The following ZCCHC14 variants were observed in gnomAD, a reference collection of about 807,000 sequenced individuals.
ZCCHC14 encodes zinc finger CCHC-type containing 14, also known as zinc finger CCHC domain-containing protein 14.
A neutral mutation model predicts 85.0 loss-of-function variants in ZCCHC14; 16 were observed. The observed-to-expected ratio is 0.19, with a 90% confidence interval of 0.13 to 0.29. The LOEUF (loss-of-function observed/expected upper bound fraction) is 0.29, where lower values mean the gene tolerates loss of function less well. Ranked by LOEUF, ZCCHC14 falls within the 10% of genes least tolerant of loss-of-function variation. The pLI, the probability that ZCCHC14 is intolerant of heterozygous loss-of-function variation, is 1.00. For synonymous variants in ZCCHC14, 775 were observed against 630.7 expected (o/e 1.23, Z -3.43); for missense variants, 1,303 against 1,443.5 (o/e 0.90, Z 1.58).
chr16:87,421,046 C>A (rs1444758897), intron 4 of ZCCHC14, among the ~76,000 whole-genome samples: 1 of 152,272 alleles, frequency 6.6e-6, no homozygotes, highest in Non-Finnish European at 1.5e-5. Flanking sequence ...GGGCACAAGG[C>A]CCTGGTGGCT....
intron 1 of ZCCHC14, chr16:87,474,023 C>G (rs1911893077): frequency 6.6e-6 from 1 of 152,180 alleles, no homozygotes; most frequent in African/African-American, 2.4e-5. Context: ...AAAGATCAGA[C>G]CAGAAAGGGC....
At chr16:87,468,114 T>A (rs1911612439) in intron 1 of ZCCHC14, among the ~76,000 whole-genome samples, 1 of 152,242 alleles carries the variant, frequency 6.6e-6, no homozygotes, top group Non-Finnish European at 1.5e-5. Context: ...GATTATTAGA[T>A]GTAAATCTTC....
chr16:87,422,441 T>C (rs1909149305), intron 4 of ZCCHC14, among the ~76,000 whole-genome samples: 1 of 151,804 alleles, frequency 6.6e-6, no homozygotes, highest in Non-Finnish European at 1.5e-5. Flanking sequence ...TTTCCAAAAT[T>C]AGGCCAGGTG....
intron 2 of ZCCHC14, among the ~76,000 whole-genome samples, chr16:87,438,028 T>C (rs1910012354): frequency 6.6e-6 from 1 of 152,258 alleles, no homozygotes; most frequent in Non-Finnish European, 1.5e-5. Context: ...CTGCTGGCCA[T>C]GTGGCAGGAA....
chr16:87,429,807 A>G (rs1305170944), intron 3 of ZCCHC14, among the ~76,000 whole-genome samples: 2 of 152,180 alleles, frequency 1.3e-5, no homozygotes, highest in Non-Finnish European at 2.9e-5. Context: ...GGGTTTTGCC[A>G]TCTTGGCTAG....
chr16:87,451,632 A>C (rs1019484734), intron 2 of ZCCHC14, among the ~76,000 whole-genome samples: 1 of 152,276 alleles, frequency 6.6e-6, no homozygotes, highest in Admixed American at 6.5e-5. Context: ...CATAAGTGAT[A>C]TAAAAATGAA....
intron 2 of ZCCHC14, among the ~76,000 whole-genome samples, chr16:87,451,476 G>A (rs986958962): frequency 6.6e-6 from 1 of 152,218 alleles, no homozygotes; most frequent in African/African-American, 2.4e-5. Context: ...GGGATTACAG[G>A]CGTGAGCCAC....
chr16:87,450,856 T>C (rs1004227713), intron 2 of ZCCHC14, among the ~76,000 whole-genome samples: 1 of 151,178 alleles, frequency 6.6e-6, no homozygotes, highest in African/African-American at 2.4e-5. Context: ...GCGCATGGTC[T>C]GATAATATTT....
chr16:87,468,894 A>C (rs1597445671), intron 1 of ZCCHC14, among the ~76,000 whole-genome samples: 1 of 152,186 alleles, frequency 6.6e-6, no homozygotes. Flanking sequence ...TATTTTCCCT[A>C]ATATTGAGTA....
At chr16:87,421,882 C>T (rs1018441514) in intron 4 of ZCCHC14, among the ~76,000 whole-genome samples, 4 of 151,692 alleles carry the variant, frequency 2.6e-5, no homozygotes, top group African/African-American at 9.7e-5. Context: ...TCCGGCTCCA[C>T]GGTCATCTAA....
intron 1 of ZCCHC14, among the ~76,000 whole-genome samples, chr16:87,461,279 G>C (rs539138543): frequency 2.0e-5 from 3 of 152,338 alleles, no homozygotes; most frequent in Admixed American, 6.5e-5. Context: ...GGCGAGAGGA[G>C]GGGGGTAGCA....
At chr16:87,450,316 G>C (rs1039992213) in intron 2 of ZCCHC14, among the ~76,000 whole-genome samples, 1 of 152,144 alleles carries the variant, frequency 6.6e-6, no homozygotes, top group African/African-American at 2.4e-5. Context: ...ATGTTAATGG[G>C]ATAATTTCTA....
chr16:87,424,020 T>A, intron 3 of ZCCHC14, 139 bp from the exon 4 acceptor site: 1 of 764,010 alleles, frequency 1.3e-6, no homozygotes, highest in Non-Finnish European at 2.1e-6. Flanking sequence ...GGGAAGCACC[T>A]AAGCATCCCT....
chr16:87,423,996 C>A, intron 3 of ZCCHC14, 115 bp from the exon 4 acceptor site: 1 of 1,055,472 alleles, frequency 9.5e-7, no homozygotes, highest in Non-Finnish European at 1.4e-6. Flanking sequence ...CCCAGTGGGC[C>A]GTGCACCTGC....
chr16:87,488,339 C>A (rs1234643053), intron 1 of ZCCHC14, among the ~76,000 whole-genome samples: 2 of 152,150 alleles, frequency 1.3e-5, no homozygotes, highest in African/African-American at 2.4e-5. Flanking sequence ...ACTGCAGGAG[C>A]AGCAAGCAGC....
chr16:87,465,362 T>C (rs1333217900), intron 1 of ZCCHC14, among the ~76,000 whole-genome samples: 2 of 152,282 alleles, frequency 1.3e-5, no homozygotes, highest in African/African-American at 4.8e-5. Flanking sequence ...AAAGCACTTC[T>C]ATTTCAAACA....
At chr16:87,469,607 G>T (rs2150767381) in intron 1 of ZCCHC14, among the ~76,000 whole-genome samples, 1 of 152,374 alleles carries the variant, frequency 6.6e-6, no homozygotes, top group Admixed American at 6.5e-5. Flanking sequence ...TTCTAGTACT[G>T]TGAACTGGAA....
At chr16:87,428,223 C>T (rs916817569) in intron 3 of ZCCHC14, among the ~76,000 whole-genome samples, 17 of 152,084 alleles carry the variant, frequency 1.1e-4, no homozygotes, top group Admixed American at 2.6e-4. Context: ...CCTTTTGTAT[C>T]CTGGAAAACA....
At chr16:87,485,252 T>C (rs796871675) in intron 1 of ZCCHC14, among the ~76,000 whole-genome samples, 1 of 152,368 alleles carries the variant, frequency 6.6e-6, no homozygotes, top group African/African-American at 2.4e-5. Flanking sequence ...AAAGATACTC[T>C]GTCTTGCTTC....
Sources: gnomAD v4.1 joint callset for allele counts (sites outside exome capture counted in the v4.1 genomes callset) on GRCh38, gnomAD v4.1.1 for gene constraint, MANE v1.5 for transcripts, NCBI Gene and HGNC (gene_info 2026-07-23, HGNC 2026-07-21) for gene names.